The following ZCWPW2 variants were observed in gnomAD, a reference collection of about 807,000 sequenced individuals.
The protein encoded by ZCWPW2 is zinc finger CW-type PWWP domain protein 2.
ZCWPW2 carries 45 observed loss-of-function variants against 46.6 expected under a neutral mutation model. That is an observed-to-expected ratio of 0.96 (90% CI 0.76 to 1.24). The LOEUF is 1.24. ZCWPW2 is among the 50% of genes most tolerant of loss of function. The pLI is 0.00. For synonymous variants in ZCWPW2, 152 were observed against 137.1 expected, an observed-to-expected ratio of 1.11 and a Z score of -0.76; for missense variants, 429 against 403.9, an observed-to-expected ratio of 1.06 and a Z score of -0.53.
At position 28,477,433 on chromosome 3, in the gene ZCWPW2, C is replaced by A. The variant is rs150759375; in HGVS notation, c.493-1381C>A. On this transcript the variant is annotated intron_variant, in intron 4 of 9. Coordinates refer to ENST00000383768, the MANE Select transcript of ZCWPW2 (RefSeq NM_001040432.4). ...TGTATAATATACCATGAGGTATAGGCAAATGGGTACTGTGGAGGATGCAAA... is the reference window on the plus strand; with the variant it reads ...TGTATAATATACCATGAGGTATAGGAAAATGGGTACTGTGGAGGATGCAAA... Among the ~76,000 whole-genome samples the A allele has an allele frequency of 1.1e-3, 166 of 152,132 alleles. 1 individual carries two copies. The highest frequency in any genetic ancestry group is 3.7e-3 in the African/African-American group (152 of 41,430).
chr3:28,348,897 C>T lies in ZCWPW2; in HGVS notation c.-440C>T, dbSNP rs1704398447. 3 of 961,676 alleles carry T rather than the reference C, an allele frequency of 3.1e-6. No individual in the cohort carries two copies. The highest frequency in any genetic ancestry group is 5.3e-4 in the Middle Eastern group (1 of 1,880). 59.6% of individuals were successfully genotyped at this position (961,676 alleles called of 1,614,324 possible). A position where few individuals can be genotyped will look rare whatever the true frequency, so the allele number is the denominator to read the frequency against. ...TTACCCAGCAATACGCGCGCGAGAC[C>T]CAGGCCCGCCGTCGGGACCAGCACG... On this transcript the variant is annotated 5_prime_UTR_variant, in exon 1 of 10. Transcript: ENST00000383768.
intron 3 of ZCWPW2, among the ~76,000 whole-genome samples, chr3:28,416,952 A>G (rs969752786): frequency 1.6e-4 from 23 of 147,962 alleles, no homozygotes; most frequent in Middle Eastern, 3.4e-3. Context: ...ATCGATGTTC[A>G]TCAAGGATAT....
At chr3:28,351,776 A>G (rs1426875566) in intron 1 of ZCWPW2, among the ~76,000 whole-genome samples, 1 of 151,856 alleles carries the variant, frequency 6.6e-6, no homozygotes, top group Non-Finnish European at 1.5e-5. Context: ...TGCACCCGAG[A>G]TAGATGTGGC....
intron 4 of ZCWPW2, among the ~76,000 whole-genome samples, chr3:28,475,497 C>G (rs751179774): frequency 6.6e-6 from 1 of 152,136 alleles, no homozygotes. Flanking sequence ...GAATTCAAAT[C>G]AAATATTACT....
chr3:28,421,398 T>G (rs1447709961), intron 3 of ZCWPW2, among the ~76,000 whole-genome samples: 1 of 152,188 alleles, frequency 6.6e-6, no homozygotes, highest in Non-Finnish European at 1.5e-5. Flanking sequence ...CTGGGTGATT[T>G]GCAGTCCAGG....
intron 6 of ZCWPW2, among the ~76,000 whole-genome samples, chr3:28,493,123 A>ATTTTTTTTTT (rs1431021460): frequency 3.8e-5 from 2 of 52,746 alleles, no homozygotes; most frequent in African/African-American, 7.6e-5. Flanking sequence ...GTTTATCTTT[A>ATTTTTTTTTT]TTTTTTTTTA....
chr3:28,360,234 G>A (rs777548231), intron 1 of ZCWPW2, among the ~76,000 whole-genome samples: 16 of 151,704 alleles, frequency 1.1e-4, no homozygotes, highest in African/African-American at 1.7e-4. Flanking sequence ...GGCCGGGCGC[G>A]GTGGCTCACG....
chr3:28,412,790 C>A (rs1696455115), intron 2 of ZCWPW2, among the ~76,000 whole-genome samples: 1 of 151,994 alleles, frequency 6.6e-6, no homozygotes, highest in African/African-American at 2.4e-5. Context: ...AAATTATAGT[C>A]ACCTCTACTC....
intron 4 of ZCWPW2, among the ~76,000 whole-genome samples, chr3:28,464,251 A>G (rs1360868369): frequency 6.6e-6 from 1 of 152,194 alleles, no homozygotes; most frequent in Non-Finnish European, 1.5e-5. Flanking sequence ...GACAGATGGT[A>G]GCACTGGAAT....
At chr3:28,476,722 C>T (rs761347353) in intron 4 of ZCWPW2, among the ~76,000 whole-genome samples, 11 of 152,146 alleles carry the variant, frequency 7.2e-5, no homozygotes, top group Non-Finnish European at 1.3e-4. Flanking sequence ...AGTTATATAA[C>T]TCACCATAAT....
At chr3:28,466,067 G>A (rs372088921) in intron 4 of ZCWPW2, among the ~76,000 whole-genome samples, 1 of 152,168 alleles carries the variant, frequency 6.6e-6, no homozygotes, top group Admixed American at 6.5e-5. Flanking sequence ...AAGAGAATCA[G>A]TGCAGGAACA....
chr3:28,441,909 G>T (rs1312071483), intron 4 of ZCWPW2, among the ~76,000 whole-genome samples: 1 of 152,210 alleles, frequency 6.6e-6, no homozygotes, highest in African/African-American at 2.4e-5. Context: ...ATCTGCAGAA[G>T]ATGGCAGGGC....
intron 1 of ZCWPW2, among the ~76,000 whole-genome samples, chr3:28,383,642 C>G (rs1436068893): frequency 6.6e-6 from 1 of 151,470 alleles, no homozygotes; most frequent in Admixed American, 6.6e-5. Context: ...TTTTGGGTGG[C>G]CTTTTTAAGT....
intron 1 of ZCWPW2, among the ~76,000 whole-genome samples, chr3:28,368,519 G>C (rs184780145): frequency 6.6e-6 from 1 of 152,096 alleles, no homozygotes; most frequent in African/African-American, 2.4e-5. Flanking sequence ...AGTTTCTGCC[G>C]AGAGATCAGC....
intron 8 of ZCWPW2, among the ~76,000 whole-genome samples, chr3:28,520,624 T>C (rs1700697367): frequency 6.6e-6 from 1 of 152,210 alleles, no homozygotes; most frequent in Non-Finnish European, 1.5e-5. Flanking sequence ...GCCTGAAATA[T>C]TGGCTCTCTG....
At chr3:28,477,228 G>A (rs968957500) in intron 4 of ZCWPW2, among the ~76,000 whole-genome samples, 2 of 151,990 alleles carry the variant, frequency 1.3e-5, no homozygotes, top group African/African-American at 2.4e-5. Context: ...CCAATATTTA[G>A]TGAATTGTAT....
intron 4 of ZCWPW2, among the ~76,000 whole-genome samples, chr3:28,474,589 G>GTGTGTT (rs1699157738): frequency 1.3e-5 from 1 of 74,094 alleles, no homozygotes; most frequent in Non-Finnish European, 3.3e-5. Flanking sequence ...AATACAGCGT[G>GTGTGTT]TGTGTGTGTG....
intron 1 of ZCWPW2, among the ~76,000 whole-genome samples, chr3:28,380,156 G>A (rs1272909858): frequency 2.0e-5 from 3 of 151,616 alleles, no homozygotes; most frequent in African/African-American, 7.3e-5. Context: ...CTAATTTTTT[G>A]TATTTTTTTA....
chr3:28,429,406 T>C (rs1023198290), intron 3 of ZCWPW2, among the ~76,000 whole-genome samples: 5 of 152,182 alleles, frequency 3.3e-5, no homozygotes, highest in Non-Finnish European at 7.4e-5. Flanking sequence ...TTGGGTGCTC[T>C]AAAAAGCATT....
Sources: gnomAD v4.1 joint callset for allele counts (sites outside exome capture counted in the v4.1 genomes callset) on GRCh38, gnomAD v4.1.1 for gene constraint, MANE v1.5 for transcripts, NCBI Gene and HGNC (gene_info 2026-07-23, HGNC 2026-07-21) for gene names.